Variants in SAP130 observed in about 807,000 individuals in gnomAD.
The protein encoded by SAP130 is histone deacetylase complex subunit SAP130.
In SAP130, 16 loss-of-function variants were observed where a neutral mutation model predicts 103.2. The ratio of observed to expected loss-of-function variants is 0.16; its 90% confidence interval spans 0.10 to 0.24. The LOEUF is 0.24. SAP130 is among the 10% of genes least tolerant of loss of function. SAP130 has a pLI of 1.00. For synonymous variants in SAP130, 477 were observed against 497.0 expected (o/e 0.96, Z 0.53); for missense variants, 990 against 1,359.7 (o/e 0.73, Z 4.28).
intron 7 of SAP130, among the ~76,000 whole-genome samples, chr2:128,008,641 G>A (rs1309452226): frequency 6.6e-6 from 1 of 150,966 alleles, no homozygotes; most frequent in Non-Finnish European, 1.5e-5. Context: ...AAAGCACTGG[G>A]GTTACGGGCA....
intron 5 of SAP130, 136 bp downstream of exon 5, chr2:128,014,667 T>C (rs1684648640): frequency 3.1e-6 from 2 of 649,726 alleles, no homozygotes; most frequent in Non-Finnish European, 5.4e-6. Context: ...AGAGGTTTAT[T>C]TGGTTCACGG....
At chr2:127,992,263 C>A (rs12992494) in intron 12 of SAP130, among the ~76,000 whole-genome samples, 1 of 150,832 alleles carries the variant, frequency 6.6e-6, no homozygotes, top group African/African-American at 2.4e-5. Context: ...TCAGCCACAG[C>A]GCCCGGCCCC....
intron 15 of SAP130, among the ~76,000 whole-genome samples, chr2:127,965,560 C>T (rs865938805): frequency 9.2e-5 from 14 of 152,200 alleles, no homozygotes; most frequent in South Asian, 8.3e-4. Flanking sequence ...GAGGCTGAAG[C>T]GAGTGGATCA....
In SAP130 at chr2:128,026,538, T is replaced by C. The variant is rs1428139377; in HGVS notation, c.-6-240A>G. On this transcript the variant is annotated intron_variant, in intron 1 of 20. Transcript: ENST00000643581. ...TACTATGACCCTCCATAAATACTTG[T>C]GGATTGCTATGCTAAAAAAATCACC... 6.6e-5 allele frequency among the ~76,000 whole-genome samples: 10 copies of C among 152,248 alleles called. No homozygotes were observed. In the East Asian group the frequency reaches 1.9e-3, roughly 29 times the overall value.
chr2:127,989,177 C>A lies in SAP130; in HGVS notation c.1780+387G>T, dbSNP rs950956114. ...GCAGTGGCGTGATCTCGGCTCACTG[C>A]AAGCTCCACATCCCCAGTTCACGCC... On this transcript the variant is annotated intron_variant, in intron 13 of 20. Coordinates refer to ENST00000643581, the MANE Select transcript of SAP130 (RefSeq NM_001330301.2). The surrounding 1 kb of genome is among the most constrained non-coding windows in gnomAD (Gnocchi z 4.6). 6.6e-6 allele frequency among the ~76,000 whole-genome samples: 1 copy of A among 151,704 alleles called. No individual in the cohort carries two copies. The highest frequency in any genetic ancestry group is 1.5e-5 in the Non-Finnish European group (1 of 67,970).
chr2:127,948,676 ATATAATT>A (rs915752850), intron 18 of SAP130, among the ~76,000 whole-genome samples: 1 of 152,060 alleles, frequency 6.6e-6, no homozygotes, highest in Non-Finnish European at 1.5e-5. Flanking sequence ...ATGTATTTAT[ATATAATT>A]TATGTTATTT....
chr2:128,016,314 G>A, intron 4 of SAP130, 75 bp downstream of exon 4: 7 of 1,448,236 alleles, frequency 4.8e-6, no homozygotes, highest in Non-Finnish European at 5.7e-6. Context: ...CTAATGTACT[G>A]CTAGCATTCA....
At position 127,951,710 on chromosome 2, in the gene SAP130, C is replaced by G. The variant is rs926861780; in HGVS notation, c.2423-1302G>C. On this transcript the variant is annotated intron_variant, in intron 16 of 20. Transcript: ENST00000643581. Reference sequence around the variant, plus strand: ...GGTTAAATCCTGTTCTCCAACCAGTCTGCACCTACGCAACTGAATGTCGCC... The same window carrying G: ...GGTTAAATCCTGTTCTCCAACCAGTGTGCACCTACGCAACTGAATGTCGCC... Among the ~76,000 whole-genome samples the G allele has an allele frequency of 3.9e-5, 6 of 152,188 alleles. No individual in the cohort carries two copies. The East Asian group carries it at 1.2e-3, about 29-fold the overall frequency.
chr2:128,013,331 A>C (rs145481929), intron 5 of SAP130, among the ~76,000 whole-genome samples, 177 bp from the exon 6 acceptor site: 19 of 152,246 alleles, frequency 1.2e-4, no homozygotes, highest in Admixed American at 1.0e-3. Context: ...TTTAATAATA[A>C]TTTATATTGC....
intron 15 of SAP130, among the ~76,000 whole-genome samples, chr2:127,961,282 G>A (rs1466983491): frequency 6.6e-6 from 1 of 151,082 alleles, no homozygotes; most frequent in East Asian, 1.9e-4. Context: ...GAGACTACAG[G>A]GGTGTACCAC....
At chr2:128,004,130 T>C (rs76851093) in intron 7 of SAP130, among the ~76,000 whole-genome samples, 1,611 of 151,972 alleles carry the variant, frequency 0.011, 25 homozygotes, top group African/African-American at 0.038. Context: ...ACTAGCTTAT[T>C]TGGAGGACAA....
At chr2:128,010,418 A>C in intron 6 of SAP130, 25 bp from the exon 7 acceptor site, 1 of 1,593,542 alleles carries the variant, frequency 6.3e-7, no homozygotes, top group Non-Finnish European at 8.6e-7. Flanking sequence ...AAAACAGTTC[A>C]TTTAAAACAA....
chr2:128,018,617 C>T (rs1170014270), intron 2 of SAP130, among the ~76,000 whole-genome samples: 1 of 151,574 alleles, frequency 6.6e-6, no homozygotes, highest in African/African-American at 2.4e-5. Flanking sequence ...CACAGTAAGA[C>T]TCCATCTCTG....
intron 19 of SAP130, among the ~76,000 whole-genome samples, chr2:127,944,893 C>T (rs1678963622): frequency 7.6e-6 from 1 of 130,986 alleles, no homozygotes; most frequent in Non-Finnish European, 1.6e-5. Flanking sequence ...CAGAGCAAGA[C>T]CTTGTCTCAA....
At chr2:128,000,277 A>G (rs1169987380) in intron 8 of SAP130, 30 bp downstream of exon 8, 1 of 1,614,024 alleles carries the variant, frequency 6.2e-7, no homozygotes, top group East Asian at 2.2e-5. Context: ...CCAACAAAGT[A>G]CACAGGTGGT....
chr2:128,027,487 G>A (rs1685602765), intron 1 of SAP130, among the ~76,000 whole-genome samples: 1 of 152,072 alleles, frequency 6.6e-6, no homozygotes, highest in South Asian at 2.1e-4. Context: ...AATGGCAGAG[G>A]AAGACAGGCG....
chr2:128,023,141 C>T (rs1255909999), intron 2 of SAP130, among the ~76,000 whole-genome samples: 1 of 152,020 alleles, frequency 6.6e-6, no homozygotes, highest in Non-Finnish European at 1.5e-5. Context: ...ATTACCGGCA[C>T]CCACCACCAC....
intron 1 of SAP130, chr2:128,027,326 G>A: frequency 2.8e-5 from 13 of 461,430 alleles, no homozygotes; most frequent in Non-Finnish European, 3.9e-5. Context: ...TCCCCCGCCC[G>A]CCCATTGGCC....
intron 2 of SAP130, among the ~76,000 whole-genome samples, chr2:128,021,456 A>C (rs1053417137): frequency 6.6e-6 from 1 of 151,902 alleles, no homozygotes; most frequent in African/African-American, 2.4e-5. Flanking sequence ...CAAAAAAAAA[A>C]AAAAACAAAA....
Sources: allele counts gnomAD v4.1 joint callset (sites outside exome capture counted in the v4.1 genomes callset), GRCh38; gene constraint gnomAD v4.1.1; non-coding constraint Gnocchi (gnomAD v3.1); transcripts MANE v1.5; gene names NCBI Gene and HGNC (gene_info 2026-07-23, HGNC 2026-07-21).